Variants in UNC13B observed in about 807,000 individuals in gnomAD.
The protein encoded by UNC13B is protein unc-13 homolog B.
A neutral mutation model predicts 211.0 loss-of-function variants in UNC13B; 144 were observed. That is an observed-to-expected ratio of 0.68 (90% CI 0.60 to 0.78). The LOEUF (loss-of-function observed/expected upper bound fraction) is 0.78, where lower values mean the gene tolerates loss of function less well. Among genes scored for constraint, UNC13B ranks in the 30% least tolerant of loss-of-function variants. The pLI, the probability that UNC13B is intolerant of heterozygous loss-of-function variation, is 0.00. For synonymous variants in UNC13B, 709 were observed against 725.8 expected (o/e 0.98, Z 0.37); for missense variants, 1,777 against 2,002.0 (o/e 0.89, Z 2.14).
At chr9:35,271,052 T>C (rs1314493488) in intron 7 of UNC13B, among the ~76,000 whole-genome samples, 1 of 146,102 alleles carries the variant, frequency 6.8e-6, no homozygotes, top group Admixed American at 7.2e-5. Flanking sequence ...GACAGGAGAA[T>C]GGCTTGAACC....
At chr9:35,391,405 G>A (rs765502444) in intron 26 of UNC13B, among the ~76,000 whole-genome samples, 3 of 152,186 alleles carry the variant, frequency 2.0e-5, no homozygotes, top group Non-Finnish European at 2.9e-5. Flanking sequence ...CATCTAGGAG[G>A]AGGAGGAGCC....
At chr9:35,397,957 A>T (rs917185504) in intron 30 of UNC13B, among the ~76,000 whole-genome samples, 7 of 152,154 alleles carry the variant, frequency 4.6e-5, no homozygotes, top group Admixed American at 6.5e-5. Context: ...TATATATATA[A>T]AAACTTTAGA....
chr9:35,257,308 AATATAAATATTTATAAAAATATTT>A (rs1478218378), intron 6 of UNC13B, among the ~76,000 whole-genome samples: 1 of 98,340 alleles, frequency 1.0e-5, no homozygotes, highest in African/African-American at 3.5e-5. Context: ...ATTTATAAAA[AATATAAATATTTATAAAAATATTT>A]ATATAAATAT....
At chr9:35,225,041 C>T (rs958924129) in intron 1 of UNC13B, among the ~76,000 whole-genome samples, 5 of 151,808 alleles carry the variant, frequency 3.3e-5, no homozygotes, top group African/African-American at 1.2e-4. Context: ...CATACCTCAA[C>T]ACAGTAGAGG....
At chr9:35,361,826 C>T (rs1282114044) in intron 11 of UNC13B, 1 of 152,156 alleles carries the variant, frequency 6.6e-6, no homozygotes, top group African/African-American at 2.4e-5. Flanking sequence ...AGTATTTGAA[C>T]TAAGTCTTAG....
At chr9:35,389,805 G>A in intron 24 of UNC13B, 41 bp from the exon 25 acceptor site, 1 of 1,609,824 alleles carries the variant, frequency 6.2e-7, no homozygotes, top group South Asian at 1.1e-5. Flanking sequence ...ATTCTACTCT[G>A]ACTCTTTCTC....
At chr9:35,194,986 G>A (rs1211867215) in intron 1 of UNC13B, among the ~76,000 whole-genome samples, 1 of 152,174 alleles carries the variant, frequency 6.6e-6, no homozygotes, top group Non-Finnish European at 1.5e-5. Context: ...TAGTCTTAAG[G>A]AGGCAGTGTC....
At chr9:35,243,798 A>G (rs1825934767) in intron 6 of UNC13B, among the ~76,000 whole-genome samples, 2 of 152,124 alleles carry the variant, frequency 1.3e-5, no homozygotes, top group African/African-American at 4.8e-5. Flanking sequence ...TGGTGTGTAT[A>G]AGAGAATGCA....
rs1834819483 is a variant in UNC13B, at chr9:35,381,304, C to T, written c.10491+89C>T. The T allele has an allele frequency of 4.2e-6, 5 of 1,199,788 alleles. No homozygotes were observed. The South Asian group carries it at 4.5e-5, about 11-fold the overall frequency. The allele number at this position is 1,199,788 out of a possible 1,614,324, so 74.3% of individuals were successfully genotyped here. On this transcript the variant is annotated intron_variant, in intron 19 of 39. Coordinates refer to ENST00000635942, the MANE Select transcript of UNC13B (RefSeq NM_001371189.2). ...GTAGGATTGCTAGGTGGTTGGAATC[C>T]GAGGCCCATTTTAAATTTTATCCTT...
At chr9:35,202,294 C>A (rs1023093738) in intron 1 of UNC13B, among the ~76,000 whole-genome samples, 3 of 152,160 alleles carry the variant, frequency 2.0e-5, no homozygotes, top group Admixed American at 2.0e-4. Context: ...TGATGTGGTG[C>A]TGAAAATAAT....
chr9:35,386,307 G>A lies in UNC13B; in HGVS notation c.11094+14G>A. On this transcript the variant is annotated intron_variant, in intron 24 of 39. Coordinates refer to ENST00000635942, the MANE Select transcript of UNC13B (RefSeq NM_001371189.2). ...CAGTACCAGCTGGTAAGAGGTTCAG[G>A]ATCAGGTGGGGCCAGCTGTCAGTGG... The A allele has an allele frequency of 1.2e-6, 2 of 1,613,884 alleles. No individual in the cohort carries two copies. Among genetic ancestry groups the A allele is most frequent in the South Asian group, 1.1e-5 (1 of 91,042 alleles).
rs374627859 is a variant in UNC13B, at chr9:35,399,039, G to T, written c.12074+5G>T. 6.2e-7 allele frequency: 1 copy of T among 1,613,876 alleles called. No individual in the cohort carries two copies. The highest frequency in any genetic ancestry group is 1.1e-5 in the South Asian group (1 of 91,070). On this transcript the variant is annotated splice_donor_5th_base_variant and intron_variant, in intron 33 of 39. Transcript: ENST00000635942. ...CATGGACTTCCTGGATGGCAAGTGA[G>T]TACAGCATTCAGGACTATCCTGTGG...
At chr9:35,253,938 T>G (rs1463077099) in intron 6 of UNC13B, among the ~76,000 whole-genome samples, 2 of 152,242 alleles carry the variant, frequency 1.3e-5, no homozygotes, top group Admixed American at 6.5e-5. Context: ...TTTCACTGTT[T>G]CCTTACTGAT....
In UNC13B at chr9:35,327,872, C is replaced by T. The variant is rs567775800; in HGVS notation, c.9414+13883C>T. The stretch of plus-strand genomic sequence containing the variant: ...CCTCCTTTTCTGTTTCTCTAATATA[C>T]GCATCTAGCTCCGTCCTTGGAATTC... On this transcript the variant is annotated intron_variant, in intron 11 of 39. Coordinates refer to ENST00000635942, the MANE Select transcript of UNC13B (RefSeq NM_001371189.2). 4.8e-4 allele frequency among the ~76,000 whole-genome samples: 73 copies of T among 152,278 alleles called. 2 individuals carry two copies. In the South Asian group the frequency reaches 0.015, roughly 31 times the overall value.
At chr9:35,388,893 A>G (rs1835351328) in intron 24 of UNC13B, among the ~76,000 whole-genome samples, 1 of 152,240 alleles carries the variant, frequency 6.6e-6, no homozygotes, top group South Asian at 2.1e-4. Context: ...AAGATCAAAG[A>G]CCAGTTCAGA....
chr9:35,399,298 C>T lies in UNC13B; in HGVS notation c.12198+14C>T, dbSNP rs756571942. 6.2e-7 allele frequency: 1 copy of T among 1,614,164 alleles called. No individual in the cohort carries two copies. The highest frequency in any genetic ancestry group is 2.2e-5 in the East Asian group (1 of 44,872). ...ACTGACCAGACGGTAAGGACACCTCCTTCCACTTCCTCCTGCTGTCTCCCT... is the reference window on the plus strand; with the variant it reads ...ACTGACCAGACGGTAAGGACACCTCTTTCCACTTCCTCCTGCTGTCTCCCT... On this transcript the variant is annotated intron_variant, in intron 34 of 39. Coordinates refer to ENST00000635942, the MANE Select transcript of UNC13B (RefSeq NM_001371189.2).
rs373876198 is a variant in UNC13B at position 35,270,099 on chromosome 9, A to G, written c.526+11049A>G. Among the ~76,000 whole-genome samples, 12 of 152,206 alleles carry G rather than the reference A, an allele frequency of 7.9e-5. No homozygotes were observed. In the South Asian group the frequency reaches 1.0e-3, roughly 13 times the overall value. On this transcript the variant is annotated intron_variant, in intron 7 of 39. Coordinates refer to ENST00000635942, the MANE Select transcript of UNC13B (RefSeq NM_001371189.2). ...AGCTCATCTTGTACTTTGCCTTCTC[A>G]GTCCTAGAATAAGTCATTTCTCCAA... is the stretch of plus-strand genomic sequence containing the variant.
At chr9:35,395,053 A>G (rs1835782919) in intron 26 of UNC13B, among the ~76,000 whole-genome samples, 1 of 152,066 alleles carries the variant, frequency 6.6e-6, no homozygotes, top group South Asian at 2.1e-4. Context: ...TGATGTTTCT[A>G]GGTTCTTAGA....
At chr9:35,392,631 G>C (rs1048267416) in intron 26 of UNC13B, among the ~76,000 whole-genome samples, 5 of 149,272 alleles carry the variant, frequency 3.3e-5, no homozygotes, top group Non-Finnish European at 5.9e-5. Flanking sequence ...ATCACACTCT[G>C]GGGACTGTGG....
Sources: allele counts gnomAD v4.1 joint callset (sites outside exome capture counted in the v4.1 genomes callset), GRCh38; gene constraint gnomAD v4.1.1; transcripts MANE v1.5; gene names NCBI Gene and HGNC (gene_info 2026-07-23, HGNC 2026-07-21).